The following SUGCT variants were observed in gnomAD, a reference collection of about 807,000 sequenced individuals.
The protein encoded by SUGCT is succinyl-CoA:glutarate-CoA transferase.
A neutral mutation model predicts 55.0 loss-of-function variants in SUGCT; 41 were observed. That is an observed-to-expected ratio of 0.74 (90% CI 0.58 to 0.97). The LOEUF is 0.97. Ranked by LOEUF, SUGCT falls within the 50% of genes least tolerant of loss-of-function variation. The pLI is 0.00. For missense variants in SUGCT, 568 were observed against 547.8 expected (o/e 1.04, Z -0.37); for synonymous variants, 187 against 200.4 (o/e 0.93, Z 0.56).
At chr7:40,444,819 C>T (rs1788721247) in intron 9 of SUGCT, among the ~76,000 whole-genome samples, 1 of 152,144 alleles carries the variant, frequency 6.6e-6, no homozygotes, top group African/African-American at 2.4e-5. Flanking sequence ...AAAGGGAATG[C>T]TTCCAGTTTT....
At chr7:40,245,424 T>TATATATA (rs59609393) in intron 7 of SUGCT, among the ~76,000 whole-genome samples, 7 of 11,618 alleles carry the variant, frequency 6.0e-4, no homozygotes, top group East Asian at 5.9e-3. Flanking sequence ...TATATATATA[T>TATATATA]TTTTTTTTTT....
intron 3 of SUGCT, among the ~76,000 whole-genome samples, chr7:40,185,787 T>A (rs1202945735): frequency 6.6e-6 from 1 of 152,188 alleles, no homozygotes; most frequent in African/African-American, 2.4e-5. Context: ...CCTCCCAAAG[T>A]GCTGGGATTA....
At chr7:40,587,077 C>T (rs1466584844) in intron 12 of SUGCT, among the ~76,000 whole-genome samples, 3 of 152,142 alleles carry the variant, frequency 2.0e-5, no homozygotes, top group Non-Finnish European at 2.9e-5. Flanking sequence ...GTATGACGTT[C>T]TAGAAATGGC....
chr7:41,006,768 G>C, the SUGCT span, among the ~76,000 whole-genome samples: 1 of 152,130 alleles, frequency 6.6e-6, no homozygotes, highest in Non-Finnish European at 1.5e-5. Context: ...TAAAATACTT[G>C]GTTCTGTCTT....
chr7:40,242,159 A>T (rs927532219), intron 7 of SUGCT, among the ~76,000 whole-genome samples: 2 of 147,590 alleles, frequency 1.4e-5, no homozygotes, highest in Admixed American at 1.4e-4. Context: ...GTTTTGACAA[A>T]CTCTTTTTTT....
intron 12 of SUGCT, among the ~76,000 whole-genome samples, chr7:40,552,433 C>T (rs1485258831): frequency 6.6e-6 from 1 of 152,198 alleles, no homozygotes; most frequent in Non-Finnish European, 1.5e-5. Flanking sequence ...GGAGCGGAGT[C>T]CCTGCACCTG....
intron 9 of SUGCT, 92 bp from the exon 10 acceptor site, chr7:40,449,195 A>G: frequency 1.2e-6 from 1 of 803,644 alleles, no homozygotes; most frequent in Admixed American, 2.5e-5. Context: ...ATTGCTTTAG[A>G]ACAAGCTTTC....
chr7:40,947,729 T>C, the SUGCT span, among the ~76,000 whole-genome samples: 1 of 152,308 alleles, frequency 6.6e-6, no homozygotes, highest in East Asian at 1.9e-4. Context: ...CTGAAGTCTG[T>C]TCAGTTAGCT....
the SUGCT span, among the ~76,000 whole-genome samples, chr7:40,897,666 C>T: frequency 2.0e-5 from 3 of 152,108 alleles, no homozygotes; most frequent in Non-Finnish European, 4.4e-5. Flanking sequence ...GGGATGGTGG[C>T]TCCAACTGAG....
intron 9 of SUGCT, among the ~76,000 whole-genome samples, chr7:40,375,172 A>C (rs1341917749): frequency 1.3e-5 from 2 of 152,164 alleles, no homozygotes; most frequent in Non-Finnish European, 2.9e-5. Context: ...TAAGTGAGGA[A>C]ATGTCCTGAG....
At chr7:40,495,680 T>G (rs1299871725) in intron 11 of SUGCT, among the ~76,000 whole-genome samples, 1 of 152,172 alleles carries the variant, frequency 6.6e-6, no homozygotes, top group African/African-American at 2.4e-5. Context: ...AGTCCAATTT[T>G]AAATTATAGT....
chr7:40,920,897 C>CA, the SUGCT span, among the ~76,000 whole-genome samples: 2 of 152,196 alleles, frequency 1.3e-5, no homozygotes, highest in Admixed American at 1.3e-4. Context: ...AAGAAAAGAA[C>CA]AAAATGCCAA....
chr7:40,970,817 A>G, the SUGCT span, among the ~76,000 whole-genome samples: 46 of 152,198 alleles, frequency 3.0e-4, no homozygotes, highest in African/African-American at 1.1e-3. Flanking sequence ...AAAAGAAATG[A>G]GTCTTGGGAG....
intron 12 of SUGCT, among the ~76,000 whole-genome samples, chr7:40,549,295 T>C (rs1405930193): frequency 1.3e-5 from 2 of 152,224 alleles, no homozygotes; most frequent in East Asian, 3.8e-4. Context: ...ACACTTTCTG[T>C]AGACTTAGCT....
At chr7:40,492,469 C>T (rs1316939069) in intron 11 of SUGCT, among the ~76,000 whole-genome samples, 2 of 152,124 alleles carry the variant, frequency 1.3e-5, no homozygotes, top group Admixed American at 1.3e-4. Context: ...TAGGTCAGTC[C>T]CCTGCCTAAA....
the SUGCT span, among the ~76,000 whole-genome samples, chr7:41,011,359 A>G: frequency 6.6e-6 from 1 of 152,226 alleles, no homozygotes; most frequent in Admixed American, 6.5e-5. Context: ...AGATAGTAGA[A>G]GACAAAAGGG....
intron 9 of SUGCT, among the ~76,000 whole-genome samples, chr7:40,365,528 T>C (rs1463369737): frequency 6.6e-6 from 1 of 152,144 alleles, no homozygotes; most frequent in African/African-American, 2.4e-5. Context: ...TGTCTCAGCC[T>C]AAAATCTCCT....
intron 9 of SUGCT, among the ~76,000 whole-genome samples, chr7:40,330,481 G>A (rs1037314525): frequency 2.9e-5 from 3 of 102,106 alleles, no homozygotes; most frequent in Admixed American, 1.1e-4. Flanking sequence ...TAGAAGATCC[G>A]ATTTTTTTTT....
At chr7:40,203,633 G>T (rs1317530663) in intron 6 of SUGCT, among the ~76,000 whole-genome samples, 1 of 152,008 alleles carries the variant, frequency 6.6e-6, no homozygotes, top group East Asian at 1.9e-4. Flanking sequence ...AAATTAGCTG[G>T]GTGTGGTGGT....
Sources: allele counts gnomAD v4.1 joint callset (sites outside exome capture counted in the v4.1 genomes callset), GRCh38; gene constraint gnomAD v4.1.1; transcripts MANE v1.5; gene names NCBI Gene and HGNC (gene_info 2026-07-23, HGNC 2026-07-21).